The following PLCL1 variants were observed in gnomAD, a reference collection of about 807,000 sequenced individuals.
The protein encoded by PLCL1 is phospholipase C like 1 (inactive).
In PLCL1, 41 loss-of-function variants were observed where a neutral mutation model predicts 84.4. The observed-to-expected ratio is 0.49, with a 90% confidence interval of 0.38 to 0.63. The LOEUF (loss-of-function observed/expected upper bound fraction) is 0.63. PLCL1 is among the 30% of genes least tolerant of loss of function. The pLI, the probability that PLCL1 is intolerant of heterozygous loss-of-function variation, is 0.00. For synonymous variants in PLCL1, 490 were observed against 488.3 expected (o/e 1.00, Z -0.05); for missense variants, 1,206 against 1,367.8 (o/e 0.88, Z 1.87).
chr2:197,944,418 C>T (rs1689229444), intron 1 of PLCL1, among the ~76,000 whole-genome samples: 1 of 152,130 alleles, frequency 6.6e-6, no homozygotes, highest in African/African-American at 2.4e-5. Flanking sequence ...GTCTCAAGCT[C>T]CTATGGCTCA....
intron 1 of PLCL1, among the ~76,000 whole-genome samples, chr2:197,925,733 ACTCCCTCC>A (rs368540941): frequency 6.7e-6 from 1 of 149,358 alleles, no homozygotes; most frequent in Non-Finnish European, 1.5e-5. Context: ...ACTCACTAAC[ACTCCCTCC>A]CTCCCTCCCT....
chr2:198,030,041 T>C lies in PLCL1; in HGVS notation c.241-53717T>C, dbSNP rs139543146. Among the ~76,000 whole-genome samples the C allele has an allele frequency of 1.3e-3, 192 of 152,200 alleles. 1 individual carries two copies. The highest frequency in any genetic ancestry group is 4.0e-3 in the African/African-American group (168 of 41,520). ...AATTTTAAGTTCAGTCAGGGGTATA[T>C]GTGCAGGTTTGTTACACAGGTAAAA... On this transcript the variant is annotated intron_variant, in intron 1 of 5. Coordinates refer to ENST00000428675, the MANE Select transcript of PLCL1 (RefSeq NM_006226.4).
chr2:197,817,142 A>G (rs1690706500), intron 1 of PLCL1, among the ~76,000 whole-genome samples: 1 of 152,138 alleles, frequency 6.6e-6, no homozygotes, highest in African/African-American at 2.4e-5. Flanking sequence ...TAAATTATTG[A>G]AAGGTACAGG....
intron 1 of PLCL1, among the ~76,000 whole-genome samples, chr2:197,996,911 C>T (rs902198086): frequency 2.6e-5 from 4 of 152,126 alleles, no homozygotes; most frequent in South Asian, 4.1e-4. Flanking sequence ...GTGGCATTAG[C>T]GTACCAGGGC....
Position 198,149,371 on chromosome 2 carries a change from A to G in PLCL1, c.*2409A>G, listed in dbSNP as rs943429448. 2.0e-5 allele frequency: 3 copies of G among 152,156 alleles called. No homozygotes were observed. Among genetic ancestry groups the G allele is most frequent in the Non-Finnish European group, 2.9e-5 (2 of 68,018 alleles). The allele number at this position is 152,156 out of a possible 1,614,324, so 9.4% of individuals were successfully genotyped here. A position where few individuals can be genotyped will look rare whatever the true frequency, so the allele number is the denominator to read the frequency against. On this transcript the variant is annotated 3_prime_UTR_variant, in exon 6 of 6. Coordinates refer to ENST00000428675, the MANE Select transcript of PLCL1 (RefSeq NM_006226.4). ...TTATTTATTCATTTTTACATCACCA[A>G]TAGGATCTGAGGTGGAGATGGCGGG...
intron 1 of PLCL1, among the ~76,000 whole-genome samples, chr2:197,825,401 C>T (rs1317438942): frequency 6.6e-6 from 1 of 152,130 alleles, no homozygotes; most frequent in Non-Finnish European, 1.5e-5. Flanking sequence ...TCAGCTATAA[C>T]CTTGATTTTC....
intron 1 of PLCL1, among the ~76,000 whole-genome samples, chr2:197,907,095 A>G (rs1688399834): frequency 7.8e-6 from 1 of 127,598 alleles, no homozygotes; most frequent in Non-Finnish European, 1.7e-5. Flanking sequence ...CGAATGGGCA[A>G]AAGCTGGAAG....
intron 1 of PLCL1, among the ~76,000 whole-genome samples, chr2:197,856,240 C>A (rs1687327985): frequency 1.3e-5 from 2 of 152,148 alleles, no homozygotes; most frequent in African/African-American, 4.8e-5. Flanking sequence ...GTCATAGTGA[C>A]ACTGTGATGG....
chr2:198,047,425 G>T (rs546807567), intron 1 of PLCL1, among the ~76,000 whole-genome samples: 1 of 151,952 alleles, frequency 6.6e-6, no homozygotes, highest in Non-Finnish European at 1.5e-5. Context: ...CTTGTGACCC[G>T]CCCACCTTGG....
intron 1 of PLCL1, among the ~76,000 whole-genome samples, chr2:198,051,576 A>T (rs996189393): frequency 1.3e-5 from 2 of 152,188 alleles, no homozygotes; most frequent in Non-Finnish European, 2.9e-5. Flanking sequence ...AAAACCCCTG[A>T]TCATATCTTA....
chr2:197,883,389 T>A (rs1687864205), intron 1 of PLCL1, among the ~76,000 whole-genome samples: 1 of 152,204 alleles, frequency 6.6e-6, no homozygotes, highest in Non-Finnish European at 1.5e-5. Context: ...GTTTTTACTG[T>A]ACAAAGTATT....
At chr2:197,865,331 T>G (rs1687508753) in intron 1 of PLCL1, among the ~76,000 whole-genome samples, 1 of 152,206 alleles carries the variant, frequency 6.6e-6, no homozygotes, top group Non-Finnish European at 1.5e-5. Context: ...GAAATTTCAC[T>G]AGATTCCAGC....
At chr2:198,087,925 A>T (rs1692925377) in intron 2 of PLCL1, among the ~76,000 whole-genome samples, 2 of 152,190 alleles carry the variant, frequency 1.3e-5, no homozygotes, top group South Asian at 4.1e-4. Context: ...GCACAGTTAA[A>T]TACTTGTGGT....
intron 1 of PLCL1, among the ~76,000 whole-genome samples, chr2:197,894,105 T>A (rs934079789): frequency 1.3e-5 from 2 of 151,868 alleles, no homozygotes; most frequent in African/African-American, 4.8e-5. Context: ...CCAGCTGACT[T>A]CTATTTAAGT....
chr2:197,819,612 C>T (rs990888452), intron 1 of PLCL1, among the ~76,000 whole-genome samples: 2 of 152,070 alleles, frequency 1.3e-5, no homozygotes, highest in Admixed American at 1.3e-4. Flanking sequence ...TTTCATTTTA[C>T]TAAGCCGGCT....
intron 1 of PLCL1, among the ~76,000 whole-genome samples, chr2:198,055,329 CTG>C (rs71015806): frequency 1.8e-5 from 2 of 112,262 alleles, no homozygotes; most frequent in Admixed American, 8.5e-5. Context: ...CTCTCTCTCT[CTG>C]TGTGTGTGTG....
Position 197,805,076 on chromosome 2 carries a change from G to T in PLCL1, c.-24G>T. ...GCTGCCGGGCGTCCCGCTTTCCCCC[G>T]GGGAGCCCTAAACGCTCCAGGCCAT... On this transcript the variant is annotated 5_prime_UTR_variant, in exon 1 of 6. Transcript: ENST00000428675. This position sits in a 1 kb window ranked among gnomAD's most constrained non-coding sequence, Gnocchi z 4.0. The T allele has an allele frequency of 7.0e-7, 1 of 1,422,232 alleles. No homozygotes were observed. The highest frequency in any genetic ancestry group is 9.1e-7 in the Non-Finnish European group (1 of 1,093,628). 88.1% of individuals were successfully genotyped at this position (1,422,232 alleles called of 1,614,324 possible). A position where few individuals can be genotyped will look rare whatever the true frequency, so the allele number is the denominator to read the frequency against.
chr2:197,994,345 CTG>C (rs1181728430), intron 1 of PLCL1, among the ~76,000 whole-genome samples: 1 of 152,164 alleles, frequency 6.6e-6, no homozygotes, highest in Non-Finnish European at 1.5e-5. Context: ...TTAGCAGAAA[CTG>C]GGGCTGAATT....
intron 1 of PLCL1, among the ~76,000 whole-genome samples, chr2:197,820,871 T>G (rs148417849): frequency 2.4e-3 from 358 of 152,290 alleles, no homozygotes; most frequent in African/African-American, 8.3e-3. Flanking sequence ...ACAGAAACAT[T>G]GCTCTGAAGC....
Sources: allele counts gnomAD v4.1 joint callset (sites outside exome capture counted in the v4.1 genomes callset), GRCh38; gene constraint gnomAD v4.1.1; non-coding constraint Gnocchi (gnomAD v3.1); transcripts MANE v1.5; gene names NCBI Gene and HGNC (gene_info 2026-07-23, HGNC 2026-07-21).